Variants in KIAA0825 observed in about 807,000 individuals in gnomAD.
KIAA0825 encodes uncharacterized protein KIAA0825.
In KIAA0825, 119 loss-of-function variants were observed where a neutral mutation model predicts 147.6. That is an observed-to-expected ratio of 0.81 (90% CI 0.69 to 0.94). The LOEUF (loss-of-function observed/expected upper bound fraction) is 0.94, where lower values mean the gene tolerates loss of function less well. Among genes scored for constraint, KIAA0825 ranks in the 40% least tolerant of loss-of-function variants. The pLI, the probability that KIAA0825 is intolerant of heterozygous loss-of-function variation, is 0.00. For missense variants in KIAA0825, 1,381 were observed against 1,472.7 expected (o/e 0.94, Z 1.02); for synonymous variants, 470 against 518.1 (o/e 0.91, Z 1.26).
intron 20 of KIAA0825, among the ~76,000 whole-genome samples, chr5:94,175,272 C>G (rs1768982452): frequency 6.6e-6 from 1 of 152,232 alleles, no homozygotes; most frequent in Non-Finnish European, 1.5e-5. Context: ...ATCCTTGTCT[C>G]ATTGCTTCCA....
Position 94,520,784 on chromosome 5 carries a change from G to A in KIAA0825, c.434C>T (p.Ser145Phe), listed in dbSNP as rs1768028119. The A allele has an allele frequency of 1.9e-6, 3 of 1,613,122 alleles. No individual in the cohort carries two copies. The highest frequency in any genetic ancestry group is 2.2e-5 in the East Asian group (1 of 44,860). Residue 145 changes from serine to phenylalanine, a missense_variant, in exon 5 of 21, where the codon TCT becomes TTT. Transcript: ENST00000682413. ...GGAATTATCTTCAACAGAATGAAGA[G>A]ACGTCCTAGAGAGGAAATGGAAAGA... ...GTSFHFLSRT[S>F]LHSVEDNSSM...
intron 5 of KIAA0825, among the ~76,000 whole-genome samples, chr5:94,492,672 T>A (rs1236419086): frequency 6.6e-6 from 1 of 152,170 alleles, no homozygotes; most frequent in East Asian, 1.9e-4. Context: ...ATCAACTGCT[T>A]TTAACTTATT....
intron 20 of KIAA0825, among the ~76,000 whole-genome samples, chr5:94,172,113 A>G (rs1768677579): frequency 6.6e-6 from 1 of 152,206 alleles, no homozygotes; most frequent in Non-Finnish European, 1.5e-5. Context: ...GAAGATAACA[A>G]TTATAGAATT....
Position 94,270,546 on chromosome 5 carries a change from G to A in KIAA0825, c.3710+113822C>T, listed in dbSNP as rs553465686. Among the ~76,000 whole-genome samples, 106 of 151,712 alleles carry A rather than the reference G, an allele frequency of 7.0e-4. 1 individual carries two copies. Among genetic ancestry groups the A allele is most frequent in the African/African-American group, 2.6e-3 (106 of 41,184 alleles). Reference sequence around the variant, plus strand: ...CATAGTTTTTGGTGCATGCAGTATTGGTACATGAATAGAGAGACAAACCAG... The same window carrying A: ...CATAGTTTTTGGTGCATGCAGTATTAGTACATGAATAGAGAGACAAACCAG... On this transcript the variant is annotated intron_variant, in intron 20 of 20. Coordinates refer to ENST00000682413, the MANE Select transcript of KIAA0825 (RefSeq NM_001145678.3).
chr5:94,197,509 CA>C (rs1771246140), intron 20 of KIAA0825, among the ~76,000 whole-genome samples: 1 of 152,146 alleles, frequency 6.6e-6, no homozygotes, highest in African/African-American at 2.4e-5. Context: ...GTTGCAATTG[CA>C]ATTGCTTTTG....
chr5:94,452,786 G>C (rs1219134626), intron 13 of KIAA0825, among the ~76,000 whole-genome samples, 173 bp downstream of exon 13: 1 of 152,152 alleles, frequency 6.6e-6, no homozygotes, highest in Non-Finnish European at 1.5e-5. Context: ...CCATGCCTTT[G>C]ATTCTTGAGC....
chr5:94,523,194 T>C (rs974493242), intron 4 of KIAA0825, among the ~76,000 whole-genome samples: 4 of 151,684 alleles, frequency 2.6e-5, no homozygotes, highest in Non-Finnish European at 5.9e-5. Context: ...CAATGTTTGA[T>C]GTTTAGACAA....
chr5:94,221,874 T>C (rs1185333231), intron 20 of KIAA0825, among the ~76,000 whole-genome samples: 1 of 152,148 alleles, frequency 6.6e-6, no homozygotes, highest in Non-Finnish European at 1.5e-5. Flanking sequence ...AGAATCTATG[T>C]AAGGTTTAGG....
intron 20 of KIAA0825, among the ~76,000 whole-genome samples, chr5:94,179,664 A>T (rs1219210066): frequency 6.6e-6 from 1 of 152,080 alleles, no homozygotes; most frequent in Non-Finnish European, 1.5e-5. Context: ...TGGAGAAGGG[A>T]TAATACAATA....
At chr5:94,552,875 G>C (rs1212364772) in intron 2 of KIAA0825, among the ~76,000 whole-genome samples, 1 of 152,030 alleles carries the variant, frequency 6.6e-6, no homozygotes, top group Non-Finnish European at 1.5e-5. Flanking sequence ...AAAGGTAAGG[G>C]GTAAAGAAAG....
chr5:94,338,692 C>T (rs931759304), intron 20 of KIAA0825, among the ~76,000 whole-genome samples: 4 of 152,132 alleles, frequency 2.6e-5, no homozygotes, highest in African/African-American at 7.2e-5. Context: ...CTAGGAGCAA[C>T]AGACTATATC....
chr5:94,599,331 GTTTTTTTTT>G (rs57220290), intron 1 of KIAA0825, among the ~76,000 whole-genome samples: 5 of 98,512 alleles, frequency 5.1e-5, no homozygotes, highest in Non-Finnish European at 8.1e-5. Flanking sequence ...GATTATTTGG[GTTTTTTTTT>G]TTTTTTTTTT....
intron 5 of KIAA0825, among the ~76,000 whole-genome samples, chr5:94,485,665 G>T (rs1251823704): frequency 6.6e-6 from 1 of 151,638 alleles, no homozygotes; most frequent in African/African-American, 2.4e-5. Flanking sequence ...TGGAAATGTG[G>T]TCAGATATTA....
At chr5:94,173,775 A>G (rs1768850433) in intron 20 of KIAA0825, among the ~76,000 whole-genome samples, 1 of 152,178 alleles carries the variant, frequency 6.6e-6, no homozygotes, top group Non-Finnish European at 1.5e-5. Context: ...TCATCTTTAG[A>G]AAATACAATC....
chr5:94,503,028 G>C (rs1431854000), intron 5 of KIAA0825, among the ~76,000 whole-genome samples: 2 of 150,216 alleles, frequency 1.3e-5, no homozygotes, highest in African/African-American at 2.5e-5. Context: ...AGAATCGATT[G>C]AACGCAGGAG....
intron 6 of KIAA0825, among the ~76,000 whole-genome samples, chr5:94,481,595 G>A (rs1274803989): frequency 6.6e-6 from 1 of 151,912 alleles, no homozygotes; most frequent in Non-Finnish European, 1.5e-5. Flanking sequence ...GGAAGCCTTC[G>A]ACCTCTCTGC....
At chr5:94,468,570 T>C (rs907262507) in intron 10 of KIAA0825, among the ~76,000 whole-genome samples, 4 of 152,170 alleles carry the variant, frequency 2.6e-5, no homozygotes, top group Non-Finnish European at 5.9e-5. Context: ...GAAAACTCTA[T>C]ATGGATGCTC....
chr5:94,402,865 A>G (rs1028774655), intron 16 of KIAA0825, among the ~76,000 whole-genome samples: 4 of 152,186 alleles, frequency 2.6e-5, no homozygotes, highest in Admixed American at 2.6e-4. Flanking sequence ...ACAGGTACGT[A>G]ATATACATAC....
intron 2 of KIAA0825, among the ~76,000 whole-genome samples, chr5:94,572,884 T>A (rs915071227): frequency 6.6e-6 from 1 of 152,142 alleles, no homozygotes; most frequent in East Asian, 1.9e-4. Flanking sequence ...AAGAACAATA[T>A]AATAAGTGTT....
Sources: gnomAD v4.1 joint callset for allele counts (sites outside exome capture counted in the v4.1 genomes callset) on GRCh38, gnomAD v4.1.1 for gene constraint, MANE v1.5 for transcripts, NCBI Gene and HGNC (gene_info 2026-07-23, HGNC 2026-07-21) for gene names.